Variants in DIAPH3 observed in about 807,000 individuals in gnomAD.
The protein encoded by DIAPH3 is diaphanous related formin 3.
Under a neutral mutation model 144.3 loss-of-function variants are expected in DIAPH3, and 117 were observed. The observed-to-expected ratio is 0.81, with a 90% CI of 0.70 to 0.95. The LOEUF (loss-of-function observed/expected upper bound fraction) is 0.95, where lower values mean the gene tolerates loss of function less well. Among genes scored for constraint, DIAPH3 ranks in the 40% least tolerant of loss-of-function variants. DIAPH3 has a pLI of 0.00. For missense variants in DIAPH3, 1,421 were observed against 1,412.7 expected (o/e 1.01, Z -0.09); for synonymous variants, 519 against 488.9 (o/e 1.06, Z -0.81).
intron 27 of DIAPH3, among the ~76,000 whole-genome samples, chr13:59,669,570 G>A (rs565702293): frequency 3.9e-4 from 60 of 152,192 alleles, no homozygotes; most frequent in African/African-American, 1.3e-3. Flanking sequence ...GGTGAGTGAC[G>A]GATGTGACTT....
At chr13:60,086,108 A>G (rs543916974) in intron 4 of DIAPH3, among the ~76,000 whole-genome samples, 1 of 152,252 alleles carries the variant, frequency 6.6e-6, no homozygotes, top group East Asian at 1.9e-4. Flanking sequence ...AACTACCTAT[A>G]CGATTTTTAA....
intron 1 of DIAPH3, among the ~76,000 whole-genome samples, chr13:60,155,213 A>G (rs1394226368): frequency 6.6e-6 from 1 of 152,200 alleles, no homozygotes; most frequent in African/African-American, 2.4e-5. Flanking sequence ...TCACCATGTA[A>G]TAAATGTATG....
chr13:59,894,885 T>TA (rs2046001718), intron 20 of DIAPH3, among the ~76,000 whole-genome samples: 1 of 151,980 alleles, frequency 6.6e-6, no homozygotes, highest in South Asian at 2.1e-4. Context: ...GAAACATTGA[T>TA]AAAATAGGGT....
chr13:60,054,389 A>G (rs535590847), intron 4 of DIAPH3, among the ~76,000 whole-genome samples: 9 of 152,220 alleles, frequency 5.9e-5, no homozygotes, highest in Admixed American at 2.6e-4. Context: ...TGTTATCTAC[A>G]TAAAGCCTAA....
At chr13:60,110,598 GGAAA>G (rs1295161491) in intron 3 of DIAPH3, among the ~76,000 whole-genome samples, 3 of 152,100 alleles carry the variant, frequency 2.0e-5, no homozygotes, top group Non-Finnish European at 2.9e-5. Context: ...AATCAGTAAG[GGAAA>G]GAAAGAATCT....
chr13:59,992,270 A>T, intron 10 of DIAPH3, 84 bp from the exon 11 acceptor site: 1 of 1,188,718 alleles, frequency 8.4e-7, no homozygotes. Flanking sequence ...CAATAAACCA[A>T]CCATTCAACT....
intron 27 of DIAPH3, among the ~76,000 whole-genome samples, chr13:59,758,760 A>G (rs73529629): frequency 1.6e-3 from 244 of 151,968 alleles, no homozygotes; most frequent in African/African-American, 5.6e-3. Flanking sequence ...GGCTTCACAG[A>G]GGCAAGAATT....
At chr13:59,672,962 G>T (rs2032457049) in intron 27 of DIAPH3, among the ~76,000 whole-genome samples, 2 of 152,178 alleles carry the variant, frequency 1.3e-5, no homozygotes, top group South Asian at 2.1e-4. Flanking sequence ...TTTATTTGCA[G>T]AAACTATTAT....
chr13:59,714,802 G>A (rs1481043223), intron 27 of DIAPH3, among the ~76,000 whole-genome samples: 1 of 152,052 alleles, frequency 6.6e-6, no homozygotes, highest in African/African-American at 2.4e-5. Context: ...GGGCCCTGAG[G>A]GAGCTGGCTG....
At chr13:59,847,024 A>C (rs944966719) in intron 22 of DIAPH3, among the ~76,000 whole-genome samples, 11 of 152,152 alleles carry the variant, frequency 7.2e-5, no homozygotes, top group Admixed American at 2.0e-4. Context: ...AGTTACAGTA[A>C]GCAATGATTG....
At chr13:60,113,714 T>C (rs2058629973) in intron 2 of DIAPH3, among the ~76,000 whole-genome samples, 1 of 151,914 alleles carries the variant, frequency 6.6e-6, no homozygotes, top group Admixed American at 6.6e-5. Context: ...TACCAGAAAA[T>C]GACAAGCTGC....
intron 7 of DIAPH3, chr13:60,013,094 G>C: frequency 4.1e-6 from 4 of 985,306 alleles, no homozygotes; most frequent in Non-Finnish European, 4.8e-6. Context: ...TTTTAGGTTA[G>C]AGAGGCATGA....
intron 20 of DIAPH3, among the ~76,000 whole-genome samples, chr13:59,902,386 C>T (rs1203857292): frequency 6.6e-6 from 1 of 152,138 alleles, no homozygotes; most frequent in Non-Finnish European, 1.5e-5. Context: ...CCTACACCTT[C>T]CACCATGATC....
chr13:59,710,216 G>A (rs2034657730), intron 27 of DIAPH3, among the ~76,000 whole-genome samples: 1 of 148,592 alleles, frequency 6.7e-6, no homozygotes, highest in South Asian at 2.1e-4. Flanking sequence ...TGCACATTGT[G>A]CACATGTACC....
chr13:60,143,321 G>A (rs559969950), intron 1 of DIAPH3, among the ~76,000 whole-genome samples: 40 of 152,160 alleles, frequency 2.6e-4, no homozygotes, highest in Non-Finnish European at 4.4e-4. Context: ...CTCGGCTCTG[G>A]GATAAGACTC....
At chr13:59,695,106 T>C (rs1219672110) in intron 27 of DIAPH3, 1 of 152,228 alleles carries the variant, frequency 6.6e-6, no homozygotes, top group Non-Finnish European at 1.5e-5. Context: ...ATATATTTTG[T>C]AGGTTACTAG....
At chr13:60,025,404 C>CAAAA (rs370177105) in intron 5 of DIAPH3, among the ~76,000 whole-genome samples, 66 of 68,084 alleles carry the variant, frequency 9.7e-4, no homozygotes, top group East Asian at 4.4e-3. Context: ...TTGTGCTTAG[C>CAAAA]AAAAAAAAAA....
chr13:59,909,055 T>C (rs1319726496), intron 20 of DIAPH3, among the ~76,000 whole-genome samples: 1 of 152,196 alleles, frequency 6.6e-6, no homozygotes, highest in Admixed American at 6.5e-5. Flanking sequence ...GGATGTCTTG[T>C]AGAAATCTGG....
intron 27 of DIAPH3, among the ~76,000 whole-genome samples, chr13:59,759,080 C>T (rs1262703315): frequency 1.3e-5 from 2 of 151,736 alleles, no homozygotes; most frequent in African/African-American, 4.8e-5. Flanking sequence ...GCATGAGACA[C>T]CACATCCAGA....
Sources: allele counts gnomAD v4.1 joint callset (sites outside exome capture counted in the v4.1 genomes callset), GRCh38; gene constraint gnomAD v4.1.1; transcripts MANE v1.5; gene names NCBI Gene and HGNC (gene_info 2026-07-23, HGNC 2026-07-21).